The following SLC35F1 variants were observed in gnomAD, a reference collection of about 807,000 sequenced individuals.
SLC35F1 encodes the protein chromosome 6 open reading frame 169.
SLC35F1 carries 14 observed loss-of-function variants against 48.7 expected under a neutral mutation model. That is an observed-to-expected ratio of 0.29 (90% CI 0.19 to 0.45). SLC35F1 has a LOEUF of 0.45. Ranked by LOEUF, SLC35F1 falls within the 20% of genes least tolerant of loss-of-function variation. The pLI is 1.00. For missense variants in SLC35F1, 404 were observed against 500.0 expected, an observed-to-expected ratio of 0.81 and a Z score of 1.83; for synonymous variants, 190 against 202.2, an observed-to-expected ratio of 0.94 and a Z score of 0.51.
chr6:118,269,298 G>A (rs1775820645), intron 4 of SLC35F1, among the ~76,000 whole-genome samples: 1 of 152,168 alleles, frequency 6.6e-6, no homozygotes, highest in Admixed American at 6.5e-5. Context: ...TTCTCCATGT[G>A]AATCTGCTTA....
chr6:117,914,971 G>A (rs956861431), intron 1 of SLC35F1, among the ~76,000 whole-genome samples: 1 of 152,094 alleles, frequency 6.6e-6, no homozygotes, highest in East Asian at 1.9e-4. Flanking sequence ...AGGAAAAGGA[G>A]AACAGATTTG....
intron 1 of SLC35F1, among the ~76,000 whole-genome samples, chr6:118,152,065 A>G (rs1411646565): frequency 1.3e-5 from 2 of 152,186 alleles, no homozygotes; most frequent in Non-Finnish European, 2.9e-5. Flanking sequence ...ATTAGTTTCA[A>G]TACAATGAGA....
intron 1 of SLC35F1, among the ~76,000 whole-genome samples, chr6:118,093,813 A>C (rs945528180): frequency 6.6e-6 from 1 of 152,228 alleles, no homozygotes; most frequent in South Asian, 2.1e-4. Flanking sequence ...GCAGAAGAAG[A>C]GTATCCAGTA....
chr6:118,221,541 G>A (rs1775150814), intron 2 of SLC35F1, among the ~76,000 whole-genome samples: 1 of 152,070 alleles, frequency 6.6e-6, no homozygotes. Flanking sequence ...GAGGAAGGAG[G>A]GCACAGACAC....
At chr6:118,258,326 T>C (rs1775671254) in intron 3 of SLC35F1, among the ~76,000 whole-genome samples, 1 of 152,130 alleles carries the variant, frequency 6.6e-6, no homozygotes, top group South Asian at 2.1e-4. Context: ...ATCACTGTGC[T>C]CTTTTCGAAA....
rs975555401 is a variant in SLC35F1, at chr6:118,097,156, G to A, written c.174-57289G>A. ...ACACAACTGCTTCCAGTTGCCCCAGGATAAGGCCACATTCTGAAAACGACC... is the reference window on the plus strand; with the variant it reads ...ACACAACTGCTTCCAGTTGCCCCAGAATAAGGCCACATTCTGAAAACGACC... On this transcript the variant is annotated intron_variant, in intron 1 of 7. Coordinates refer to ENST00000360388, the MANE Select transcript of SLC35F1 (RefSeq NM_001029858.4). Among the ~76,000 whole-genome samples, 8 of 151,972 alleles carry A rather than the reference G, an allele frequency of 5.3e-5. No individual in the cohort carries two copies. In the South Asian group the frequency reaches 6.2e-4, roughly 12 times the overall value.
At chr6:118,226,283 A>G (rs1468474190) in intron 2 of SLC35F1, among the ~76,000 whole-genome samples, 3 of 152,242 alleles carry the variant, frequency 2.0e-5, no homozygotes, top group Admixed American at 1.3e-4. Context: ...GAATAGCCAT[A>G]CTATGGAAAA....
At chr6:117,961,996 T>C (rs574343578) in intron 1 of SLC35F1, among the ~76,000 whole-genome samples, 24 of 152,362 alleles carry the variant, frequency 1.6e-4, no homozygotes, top group Admixed American at 1.3e-4. Flanking sequence ...TTGTTATTCA[T>C]GTGTGTGAGG....
chr6:118,278,815 G>T (rs1026858333), intron 6 of SLC35F1, among the ~76,000 whole-genome samples: 1 of 152,198 alleles, frequency 6.6e-6, no homozygotes, highest in Admixed American at 6.5e-5. Flanking sequence ...TGGTCCATGA[G>T]TATAAATTAA....
intron 2 of SLC35F1, among the ~76,000 whole-genome samples, chr6:118,182,064 T>C (rs932485834): frequency 2.0e-5 from 3 of 152,212 alleles, no homozygotes; most frequent in Admixed American, 2.0e-4. Flanking sequence ...TTCTGTTATG[T>C]CTTTGTTTTA....
intron 1 of SLC35F1, among the ~76,000 whole-genome samples, chr6:117,914,280 A>G (rs1775801306): frequency 6.6e-6 from 1 of 151,978 alleles, no homozygotes; most frequent in African/African-American, 2.4e-5. Context: ...AAGCCCTTAA[A>G]TATAGTTTTG....
At chr6:118,186,195 C>T (rs1774654348) in intron 2 of SLC35F1, among the ~76,000 whole-genome samples, 1 of 152,084 alleles carries the variant, frequency 6.6e-6, no homozygotes, top group Non-Finnish European at 1.5e-5. Flanking sequence ...TGGAGTCAAC[C>T]TCATTGTGTG....
At chr6:117,956,840 A>G (rs1776434935) in intron 1 of SLC35F1, among the ~76,000 whole-genome samples, 1 of 152,148 alleles carries the variant, frequency 6.6e-6, no homozygotes, top group African/African-American at 2.4e-5. Context: ...TATCCTTCTC[A>G]GTGCACATAT....
chr6:118,278,936 G>A (rs906643808), intron 6 of SLC35F1, among the ~76,000 whole-genome samples: 1 of 152,128 alleles, frequency 6.6e-6, no homozygotes, highest in African/African-American at 2.4e-5. Context: ...AGTTAAATGA[G>A]TCATCAAAAG....
chr6:118,288,279 T>A (rs1466867432), intron 7 of SLC35F1, among the ~76,000 whole-genome samples: 1 of 152,094 alleles, frequency 6.6e-6, no homozygotes, highest in Non-Finnish European at 1.5e-5. Context: ...TTTGGCAAGG[T>A]TAAGGGTGCA....
At chr6:117,957,666 A>T (rs1270407911) in intron 1 of SLC35F1, among the ~76,000 whole-genome samples, 1 of 152,182 alleles carries the variant, frequency 6.6e-6, no homozygotes, top group Admixed American at 6.5e-5. Flanking sequence ...GTCCCATAAG[A>T]TCATAATGGA....
chr6:117,975,743 A>T (rs987086110), intron 1 of SLC35F1, among the ~76,000 whole-genome samples: 1 of 152,218 alleles, frequency 6.6e-6, no homozygotes, highest in Non-Finnish European at 1.5e-5. Flanking sequence ...TATTCTAAAT[A>T]ATCTCCAATT....
chr6:117,956,460 T>C (rs373503654), intron 1 of SLC35F1, among the ~76,000 whole-genome samples: 1 of 152,208 alleles, frequency 6.6e-6, no homozygotes, highest in Non-Finnish European at 1.5e-5. Flanking sequence ...GCCCCTTGCA[T>C]TGTGGATGTG....
At position 117,913,622 on chromosome 6, in the gene SLC35F1, A is replaced by G. The variant is rs148843196; in HGVS notation, c.173+5723A>G. 3.8e-3 allele frequency among the ~76,000 whole-genome samples: 582 copies of G among 152,370 alleles called. 2 individuals carry two copies. The highest frequency in any genetic ancestry group is 0.014 in the African/African-American group (563 of 41,594). ...TACAATAGTTAAGAAGGAATTTCAC[A>G]AGAAATGTCAAAGAAAACAATAACA... On this transcript the variant is annotated intron_variant, in intron 1 of 7. Transcript: ENST00000360388.
Sources: allele counts gnomAD v4.1 joint callset (sites outside exome capture counted in the v4.1 genomes callset), GRCh38; gene constraint gnomAD v4.1.1; transcripts MANE v1.5; gene names NCBI Gene and HGNC (gene_info 2026-07-23, HGNC 2026-07-21).